The following RBFOX1 variants were observed in gnomAD, a reference collection of about 807,000 sequenced individuals.
RBFOX1 encodes the protein RNA binding protein fox-1 homolog 1.
RBFOX1 carries 8 observed loss-of-function variants against 57.7 expected under a neutral mutation model. The observed-to-expected ratio is 0.14, with a 90% CI of 0.08 to 0.25. The LOEUF (loss-of-function observed/expected upper bound fraction) is 0.25, where lower values mean the gene tolerates loss of function less well. RBFOX1 is among the 10% of genes least tolerant of loss of function. The pLI is 1.00. For synonymous variants in RBFOX1, 326 were observed against 222.4 expected, an observed-to-expected ratio of 1.47 and a Z score of -4.15; for missense variants, 611 against 548.5, an observed-to-expected ratio of 1.11 and a Z score of -1.14.
chr16:7,157,319 A>G (rs770856372), intron 4 of RBFOX1, among the ~76,000 whole-genome samples: 4 of 152,224 alleles, frequency 2.6e-5, no homozygotes, highest in Non-Finnish European at 4.4e-5. Flanking sequence ...AGGACAAACT[A>G]TCACAGAAAA....
chr16:6,751,972 C>G (rs1175136191), intron 3 of RBFOX1, among the ~76,000 whole-genome samples: 1 of 151,970 alleles, frequency 6.6e-6, no homozygotes, highest in Non-Finnish European at 1.5e-5. Flanking sequence ...ATGTCCTTGC[C>G]CTCAAATCAA....
At chr16:5,448,271 A>G (rs1026205728) in intron 1 of RBFOX1, among the ~76,000 whole-genome samples, 5 of 152,104 alleles carry the variant, frequency 3.3e-5, no homozygotes, top group Non-Finnish European at 7.4e-5. Context: ...GGGGTTGTCA[A>G]AGCTTTCGAC....
At chr16:6,430,492 A>G (rs144637900) in intron 2 of RBFOX1, among the ~76,000 whole-genome samples, 3 of 152,162 alleles carry the variant, frequency 2.0e-5, no homozygotes, top group East Asian at 1.9e-4. Context: ...AGGCAAACTC[A>G]AGTGGAGTTG....
intron 3 of RBFOX1, among the ~76,000 whole-genome samples, chr16:6,789,776 TTC>T (rs542458588): frequency 8.5e-4 from 129 of 152,254 alleles, no homozygotes; most frequent in Middle Eastern, 3.4e-3. Context: ...TTAAAAAATC[TTC>T]TGTTTGAATG....
chr16:6,419,031 C>T (rs553151776), intron 2 of RBFOX1, among the ~76,000 whole-genome samples: 1 of 152,240 alleles, frequency 6.6e-6, no homozygotes, highest in East Asian at 1.9e-4. Flanking sequence ...TCACTGTGGC[C>T]GTTTCTCCCA....
intron 4 of RBFOX1, among the ~76,000 whole-genome samples, chr16:5,982,648 T>C (rs532404220): frequency 3.2e-4 from 48 of 152,298 alleles, no homozygotes; most frequent in African/African-American, 1.1e-3. Flanking sequence ...TTTCTTCAAG[T>C]GGGCTCCTGC....
At chr16:6,578,669 G>C (rs984084953) in intron 2 of RBFOX1, among the ~76,000 whole-genome samples, 4 of 142,528 alleles carry the variant, frequency 2.8e-5, no homozygotes, top group African/African-American at 9.9e-5. Context: ...GAAGGAGAGA[G>C]AACCCCAGAG....
At chr16:6,922,474 C>T (rs1044021177) in intron 3 of RBFOX1, among the ~76,000 whole-genome samples, 1 of 152,132 alleles carries the variant, frequency 6.6e-6, no homozygotes, top group Non-Finnish European at 1.5e-5. Flanking sequence ...TGGGTGGTTG[C>T]TAATCTTTTA....
At chr16:7,410,441 G>C (rs895680114) in intron 4 of RBFOX1, among the ~76,000 whole-genome samples, 7 of 152,200 alleles carry the variant, frequency 4.6e-5, no homozygotes, top group Admixed American at 1.3e-4. Context: ...CAGCACTTTG[G>C]GAGGCCAAGG....
intron 3 of RBFOX1, among the ~76,000 whole-genome samples, chr16:6,731,442 C>A (rs772107083): frequency 6.6e-6 from 1 of 152,182 alleles, no homozygotes; most frequent in Admixed American, 6.5e-5. Context: ...TGTCCTTCAT[C>A]CTGTGGGTTT....
chr16:7,272,897 CTCCTTTCT>C (rs1349161832), intron 4 of RBFOX1, among the ~76,000 whole-genome samples: 1 of 141,232 alleles, frequency 7.1e-6, no homozygotes, highest in Non-Finnish European at 1.5e-5. Context: ...TCTTCCTTCC[CTCCTTTCT>C]TCCTCCCTCC....
At chr16:6,271,287 A>T (rs956760984) in intron 1 of RBFOX1, among the ~76,000 whole-genome samples, 17 of 152,046 alleles carry the variant, frequency 1.1e-4, no homozygotes, top group Non-Finnish European at 2.5e-4. Context: ...AGCCGAGCAT[A>T]GTGGCACATG....
intron 2 of RBFOX1, among the ~76,000 whole-genome samples, chr16:6,443,950 G>A (rs542484838): frequency 2.6e-5 from 4 of 152,152 alleles, no homozygotes; most frequent in African/African-American, 9.6e-5. Context: ...GTGATGATTT[G>A]AACAGTGTTA....
intron 3 of RBFOX1, among the ~76,000 whole-genome samples, chr16:5,843,691 A>G (rs2056683186): frequency 1.3e-5 from 2 of 152,224 alleles, no homozygotes; most frequent in East Asian, 3.8e-4. Context: ...GCCATGTTAT[A>G]GATGAAAAAA....
intron 4 of RBFOX1, among the ~76,000 whole-genome samples, chr16:7,308,762 C>T (rs1034746785): frequency 6.6e-6 from 1 of 152,192 alleles, no homozygotes; most frequent in African/African-American, 2.4e-5. Flanking sequence ...AAGATGGGCT[C>T]TCGCGCGAAG....
chr16:5,333,637 C>T (rs1031236594), intron 1 of RBFOX1, among the ~76,000 whole-genome samples: 2 of 152,098 alleles, frequency 1.3e-5, no homozygotes, highest in African/African-American at 2.4e-5. Context: ...ATGACGGGGA[C>T]GTGTTCTGAG....
intron 3 of RBFOX1, among the ~76,000 whole-genome samples, chr16:5,609,238 C>A (rs762274939): frequency 2.0e-5 from 3 of 152,190 alleles, no homozygotes; most frequent in Non-Finnish European, 4.4e-5. Flanking sequence ...GTTATGTATT[C>A]ATTACCCGAA....
chr16:5,367,628 A>G (rs1312414940), intron 1 of RBFOX1, among the ~76,000 whole-genome samples: 3 of 152,218 alleles, frequency 2.0e-5, no homozygotes, highest in Non-Finnish European at 2.9e-5. Context: ...CTCTAGCTTA[A>G]CATTTATTAA....
At chr16:6,565,678 C>G (rs1281381175) in intron 2 of RBFOX1, among the ~76,000 whole-genome samples, 1 of 152,048 alleles carries the variant, frequency 6.6e-6, no homozygotes, top group Admixed American at 6.6e-5. Flanking sequence ...CCATGTTAGC[C>G]AGGATGGTCT....
Sources: gnomAD v4.1 joint callset for allele counts (sites outside exome capture counted in the v4.1 genomes callset) on GRCh38, gnomAD v4.1.1 for gene constraint, MANE v1.5 for transcripts, NCBI Gene and HGNC (gene_info 2026-07-23, HGNC 2026-07-21) for gene names.